ALG2: variants seen among roughly 807,000 people sequenced by gnomAD.
The protein encoded by ALG2 is ALG2 alpha-1,3/1,6-mannosyltransferase.
ALG2 carries 32 observed loss-of-function variants against 30.5 expected under a neutral mutation model. The observed-to-expected ratio is 1.05, with a 90% CI of 0.79 to 1.41. The LOEUF (loss-of-function observed/expected upper bound fraction) is 1.41, where lower values mean the gene tolerates loss of function less well. Among genes scored for constraint, ALG2 ranks in the 40% most tolerant of loss-of-function variants. ALG2 has a pLI of 0.00. For missense variants in ALG2, 574 were observed against 526.4 expected (o/e 1.09, Z -0.88); for synonymous variants, 253 against 224.8 (o/e 1.13, Z -1.12).
rs1346386711 is a variant in ALG2 at position 99,217,791 on chromosome 9, T to C, written c.*143A>G. On this transcript the variant is annotated 3_prime_UTR_variant, in exon 2 of 2. Transcript: ENST00000476832. The stretch of plus-strand genomic sequence containing the variant: ...AAAGTGGACAGGGAGGTGTGGTATA[T>C]AGGAAAGTGGCTCACATTCAAGACT... 3 of 889,554 alleles carry C rather than the reference T, an allele frequency of 3.4e-6. No homozygotes were observed. Among genetic ancestry groups the C allele is most frequent in the South Asian group, 1.4e-5 (1 of 71,304 alleles). 55.1% of individuals were successfully genotyped at this position (889,554 alleles called of 1,614,324 possible).
rs754476467 is a variant in ALG2 at position 99,218,539 on chromosome 9, G to C, written c.646C>G (p.Leu216Val). 6 of 1,614,194 alleles carry C rather than the reference G, an allele frequency of 3.7e-6. No homozygotes were observed. Among genetic ancestry groups the C allele is most frequent in the Non-Finnish European group, 5.1e-6 (6 of 1,180,020 alleles). ...TSFDSVVPEK[L>V]DDLVPKGKKF... ...TTCCCCTTGGGGACTAGGTCATCCA[G>C]CTTTTCAGGAACAACTGAGTCAAAG... The change falls in exon 2 of 2, where the codon CTG (leucine) becomes GTG (valine). Residue 216 changes from leucine (L) to valine (V), a missense_variant. Coordinates refer to ENST00000476832, the MANE Select transcript of ALG2 (RefSeq NM_033087.4).
intron 1 of ALG2, among the ~76,000 whole-genome samples, chr9:99,219,691 T>A (rs1008033259): frequency 6.6e-6 from 1 of 152,250 alleles, no homozygotes; most frequent in South Asian, 2.1e-4. Context: ...TCTTTACAAG[T>A]CATTTTAGTC....
chr9:99,221,905 C>G lies in ALG2; in HGVS notation c.-11G>C, dbSNP rs747415980. The G allele has an allele frequency of 1.3e-5, 21 of 1,580,096 alleles. No individual in the cohort carries two copies. In the East Asian group the frequency reaches 4.5e-4, roughly 34 times the overall value. ...CTGCTCCTCCGCCATGGCCCTGGAG[C>G]CGCAACTGCACCCCGCACCCTGATG... On this transcript the variant is annotated 5_prime_UTR_variant, in exon 1 of 2. Transcript: ENST00000476832.
rs1828728261 is a variant in ALG2 at position 99,218,195 on chromosome 9, G to A, written c.990C>T (p.Val330=). ...ACTGCATGTACATGGCTTCCAGAGG[G>A]ACAATGCCAAAGTGCTCATTGCTTG... The part of the protein sequence containing the change: ...YTPSNEHFGI[V]PLEAMYMQCP... The change falls in exon 2 of 2, where the codon GTC becomes GTT. Residue 330 remains valine, a synonymous_variant. Coordinates refer to ENST00000476832, the MANE Select transcript of ALG2 (RefSeq NM_033087.4). 1 of 1,613,826 alleles carries A rather than the reference G, an allele frequency of 6.2e-7. No homozygotes were observed. Among genetic ancestry groups the A allele is most frequent in the Non-Finnish European group, 8.5e-7 (1 of 1,179,698 alleles).
chr9:99,219,978 A>G (rs1211100896), intron 1 of ALG2, among the ~76,000 whole-genome samples: 1 of 152,232 alleles, frequency 6.6e-6, no homozygotes, highest in Non-Finnish European at 1.5e-5. Flanking sequence ...CACAAATACA[A>G]ATGTGATGCC....
Position 99,221,912 on chromosome 9 carries a change from T to TGCACCCC in ALG2, c.-25_-19dup, listed in dbSNP as rs1456024883. The TGCACCCC allele has an allele frequency of 6.3e-7, 1 of 1,575,354 alleles. No individual in the cohort carries two copies. The highest frequency in any genetic ancestry group is 1.3e-5 in the African/African-American group (1 of 74,520). ...TCCGCCATGGCCCTGGAGCCGCAAC[T>TGCACCCC]GCACCCCGCACCCTGATGGGGGTCT... On this transcript the variant is annotated 5_prime_UTR_variant, in exon 1 of 2. Transcript: ENST00000476832.
At chr9:99,219,012 A>G (rs1828748317) in intron 1 of ALG2, among the ~76,000 whole-genome samples, 176 bp from the exon 2 acceptor site, 1 of 152,252 alleles carries the variant, frequency 6.6e-6, no homozygotes. Flanking sequence ...ACAGAAGGCT[A>G]CAGACGTTTG....
chr9:99,221,622 G>T lies in ALG2; in HGVS notation c.273C>A (p.Tyr91Ter). 6.5e-7 allele frequency: 1 copy of T among 1,541,910 alleles called. No homozygotes were observed. The highest frequency in any genetic ancestry group is 8.7e-7 in the Non-Finnish European group (1 of 1,145,480). ...AGAGCGCCAGGAAAACCATGCGCAC[G>T]TAGGCGCAGACGGCGGCGCCGCGGC... Reference protein sequence around the residue: ...WGGRGAAVCAYVRMVFLALYV... With the variant: ...WGGRGAAVCA Residue 91 changes from tyrosine to a stop codon, truncating the protein, a stop_gained, in exon 1 of 2, where the codon TAC becomes TAA. Transcript: ENST00000476832. LOFTEE classifies it high-confidence loss of function.
chr9:99,219,913 GC>G (rs1179079207), intron 1 of ALG2, among the ~76,000 whole-genome samples: 2 of 152,220 alleles, frequency 1.3e-5, no homozygotes, highest in Non-Finnish European at 2.9e-5. Context: ...TAAAAAGAAA[GC>G]TTCCATGCAA....
rs562373747 is a variant in ALG2, at chr9:99,218,087, C to T, written c.1098G>A (p.Pro366=). The T allele has an allele frequency of 8.9e-5, 144 of 1,613,800 alleles. 1 individual carries two copies. In the South Asian group the frequency reaches 1.4e-3, roughly 16 times the overall value. Residue 366 remains proline (P), a synonymous_variant, in exon 2 of 2, where the codon CCG becomes CCA. Transcript: ENST00000476832. The part of the protein sequence containing the change: ...SVTGFLCEPD[P]VHFSEAIEKF... ...TTTCTATTGCTTCTGAGAAGTGCAC[C>T]GGGTCAGGCTCACACAGAAACCCTG... is the stretch of plus-strand genomic sequence containing the variant.
Position 99,221,921 on chromosome 9 carries a change from C to A in ALG2, c.-27G>T. 3.8e-6 allele frequency: 6 copies of A among 1,564,796 alleles called. No homozygotes were observed. Among genetic ancestry groups the A allele is most frequent in the Non-Finnish European group, 5.2e-6 (6 of 1,161,298 alleles). ...GCCCTGGAGCCGCAACTGCACCCCGCACCCTGATGGGGGTCTTCTGCGCAA... is the reference window on the plus strand; with the variant it reads ...GCCCTGGAGCCGCAACTGCACCCCGAACCCTGATGGGGGTCTTCTGCGCAA... On this transcript the variant is annotated 5_prime_UTR_variant, in exon 1 of 2. Coordinates refer to ENST00000476832, the MANE Select transcript of ALG2 (RefSeq NM_033087.4).
At position 99,218,230 on chromosome 9, in the gene ALG2, G is replaced by A; in HGVS notation, c.955C>T (p.Leu319Phe). The A allele has an allele frequency of 6.2e-7, 1 of 1,614,220 alleles. No individual in the cohort carries two copies. Among genetic ancestry groups the A allele is most frequent in the Non-Finnish European group, 8.5e-7 (1 of 1,180,042 alleles). Reference protein sequence around the residue: ...ISLLHSCTCVLYTPSNEHFGI... With the variant: ...ISLLHSCTCVFYTPSNEHFGI... ...AAGTGCTCATTGCTTGGTGTGTAAA[G>A]CACACACGTGCAGCTGTGGAGGAGG... The change falls in exon 2 of 2, where the codon CTT (leucine) becomes TTT (phenylalanine). Residue 319 changes from leucine to phenylalanine, a missense_variant. By Grantham distance (22) the Leu-to-Phe change is conservative. Transcript: ENST00000476832.
rs1218513098 is a variant in ALG2 at position 99,216,890 on chromosome 9, T to G, written c.*1044A>C. On this transcript the variant is annotated 3_prime_UTR_variant, in exon 2 of 2. Transcript: ENST00000476832. Reference sequence around the variant, plus strand: ...GGAGCCTTTGGCTAGTAAGCTTTGCTACTTCTGGAAATGAATTTAGCCTTA... The same window carrying G: ...GGAGCCTTTGGCTAGTAAGCTTTGCGACTTCTGGAAATGAATTTAGCCTTA... The G allele has an allele frequency of 1.3e-5, 6 of 454,020 alleles. No individual in the cohort carries two copies. The East Asian group carries it at 4.2e-4, about 32-fold the overall frequency. 28.1% of individuals were successfully genotyped at this position (454,020 alleles called of 1,614,324 possible).
At position 99,218,510 on chromosome 9, in the gene ALG2, T is replaced by C. The variant is rs1182408747; in HGVS notation, c.675A>G (p.Lys225=). The C allele has an allele frequency of 3.1e-6, 5 of 1,614,038 alleles. No homozygotes were observed. Among genetic ancestry groups the C allele is most frequent in the Non-Finnish European group, 4.2e-6 (5 of 1,180,034 alleles). The part of the protein sequence containing the change: ...KLDDLVPKGK[K]FLLLSINRYE... ...ATCTGTTGATGGAGAGCAGCAGGAA[T>C]TTTTTCCCCTTGGGGACTAGGTCAT... Residue 225 remains lysine (K), a synonymous_variant, in exon 2 of 2, where the codon AAA becomes AAG. Transcript: ENST00000476832.
chr9:99,216,569 C>T lies in ALG2; in HGVS notation c.*1365G>A, dbSNP rs1267941886. The T allele has an allele frequency of 4.4e-6, 2 of 454,118 alleles. No individual in the cohort carries two copies. The highest frequency in any genetic ancestry group is 2.3e-5 in the Admixed American group (1 of 42,574). The allele number at this position is 454,118 out of a possible 1,614,324, so 28.1% of individuals were successfully genotyped here. On this transcript the variant is annotated 3_prime_UTR_variant, in exon 2 of 2. Transcript: ENST00000476832. ...CATGATAAACTGTAAAATGGAATTT[C>T]ACCCATTGAAGAGCCCCAAAAGAAC...
rs1828691448 is a variant in ALG2 at position 99,216,494 on chromosome 9, CT to C, written c.*1439del. 1 of 450,060 alleles carries C rather than the reference CT, an allele frequency of 2.2e-6. No individual in the cohort carries two copies. The highest frequency in any genetic ancestry group is 2.0e-5 in the African/African-American group (1 of 49,822). 27.9% of individuals were successfully genotyped at this position (450,060 alleles called of 1,614,324 possible). ...TTGGCACCCTCATTTTATAGTACTC[CT>C]TTTTGGTACAGAATCATTTTGCCAA... On this transcript the variant is annotated 3_prime_UTR_variant, in exon 2 of 2. Transcript: ENST00000476832.
Position 99,217,978 on chromosome 9 carries a change from A to G in ALG2, c.1207T>C (p.Phe403Leu). 6.2e-7 allele frequency: 1 copy of G among 1,614,254 alleles called. No homozygotes were observed. Among genetic ancestry groups the G allele is most frequent in the East Asian group, 2.2e-5 (1 of 44,892 alleles). ...RVKEKFSPEAFTEQLYRYVTK... is the reference protein window; with the variant it reads ...RVKEKFSPEALTEQLYRYVTK... ...ACATATCGGTAGAGCTGTTCTGTAA[A>G]TGCTTCAGGGGAAAATTTTTCCTTC... The change falls in exon 2 of 2, where the codon TTT (phenylalanine) becomes CTT (leucine). Residue 403 changes from phenylalanine to leucine, a missense_variant. Coordinates refer to ENST00000476832, the MANE Select transcript of ALG2 (RefSeq NM_033087.4).
Position 99,218,507 on chromosome 9 carries a change from G to T in ALG2, c.678C>A (p.Phe226Leu). Residue 226 changes from phenylalanine (F) to leucine (L), a missense_variant, in exon 2 of 2, where the codon TTC becomes TTA. Transcript: ENST00000476832. ...CGTATCTGTTGATGGAGAGCAGCAG[G>T]AATTTTTTCCCCTTGGGGACTAGGT... ...LDDLVPKGKK[F>L]LLLSINRYER... 12 of 1,614,150 alleles carry T rather than the reference G, an allele frequency of 7.4e-6. No individual in the cohort carries two copies. The highest frequency in any genetic ancestry group is 1.0e-5 in the Non-Finnish European group (12 of 1,180,010).
chr9:99,221,031 A>G (rs1249306609), intron 1 of ALG2: 1 of 1,353,260 alleles, frequency 7.4e-7, no homozygotes, highest in African/African-American at 1.5e-5. Context: ...GCCATGTACA[A>G]GTTTTAATAG....
Sources: allele counts gnomAD v4.1 joint callset (sites outside exome capture counted in the v4.1 genomes callset), GRCh38; gene constraint gnomAD v4.1.1; transcripts MANE v1.5; gene names NCBI Gene and HGNC (gene_info 2026-07-23, HGNC 2026-07-21).